The following MAGI2 variants were observed in gnomAD, a reference collection of about 807,000 sequenced individuals.
MAGI2 encodes the protein membrane-associated guanylate kinase, WW and PDZ domain-containing protein 2.
In MAGI2, 35 loss-of-function variants were observed where a neutral mutation model predicts 133.3. The observed-to-expected ratio is 0.26, with a 90% CI of 0.20 to 0.35. MAGI2 has a LOEUF of 0.35. Ranked by LOEUF, MAGI2 falls within the 10% of genes least tolerant of loss-of-function variation. The pLI is 1.00. For synonymous variants in MAGI2, 729 were observed against 710.6 expected, an observed-to-expected ratio of 1.03 and a Z score of -0.41; for missense variants, 1,636 against 1,863.4, an observed-to-expected ratio of 0.88 and a Z score of 2.25.
Position 78,160,100 on chromosome 7 carries a change from G to A in MAGI2, c.2770C>T (p.His924Tyr). 1 of 1,610,736 alleles carries A rather than the reference G, an allele frequency of 6.2e-7. No individual in the cohort carries two copies. Among genetic ancestry groups the A allele is most frequent in the Non-Finnish European group, 8.5e-7 (1 of 1,178,266 alleles). The change falls in exon 16 of 22, where the codon CAC becomes TAC. Residue 924 changes from histidine to tyrosine, a missense_variant. Around this residue, in one of 5 missense-constraint regions of MAGI2, gnomAD observed 920 missense variants for 1,093.5 expected, o/e 0.84. Coordinates refer to ENST00000354212, the MANE Select transcript of MAGI2 (RefSeq NM_012301.4). ...HSLQTSDVVI[H>Y]RKENEGFGFV... ...CCGAAGCCCTCATTCTCTTTGCGGT[G>A]AATGACCACATCACTGGTCTGCAGG...
At chr7:78,651,864 A>T (rs1448286935) in intron 2 of MAGI2, among the ~76,000 whole-genome samples, 1 of 152,120 alleles carries the variant, frequency 6.6e-6, no homozygotes, top group Non-Finnish European at 1.5e-5. Context: ...AAAATACAAC[A>T]ACAAAGACCT....
At chr7:79,196,797 T>C (rs1333460849) in intron 1 of MAGI2, among the ~76,000 whole-genome samples, 1 of 151,900 alleles carries the variant, frequency 6.6e-6, no homozygotes, top group Non-Finnish European at 1.5e-5. Flanking sequence ...AGATAGGGTC[T>C]CACTCTGTCA....
At chr7:79,122,848 T>C (rs978257356) in intron 1 of MAGI2, among the ~76,000 whole-genome samples, 3 of 152,056 alleles carry the variant, frequency 2.0e-5, no homozygotes, top group Admixed American at 6.6e-5. Context: ...CCTGCCACCA[T>C]GCCCAGCTAA....
chr7:78,185,752 C>T lies in MAGI2; in HGVS notation c.2270-82G>A, dbSNP rs1160554500. On this transcript the variant is annotated intron_variant, in intron 12 of 21. Transcript: ENST00000354212. Reference sequence around the variant, plus strand: ...ATCTTTACTTTCTTTTTGTTGCTATCATAACTCCCCCAACCACAATCTCAT... The same window carrying T: ...ATCTTTACTTTCTTTTTGTTGCTATTATAACTCCCCCAACCACAATCTCAT... 1.4e-5 allele frequency: 15 copies of T among 1,063,168 alleles called. No homozygotes were observed. In the Admixed American group the frequency reaches 2.7e-4, roughly 19 times the overall value. The allele number at this position is 1,063,168 out of a possible 1,614,324, so 65.9% of individuals were successfully genotyped here.
intron 2 of MAGI2, among the ~76,000 whole-genome samples, chr7:78,889,115 A>C (rs1047407719): frequency 7.9e-5 from 12 of 152,232 alleles, no homozygotes; most frequent in African/African-American, 2.4e-5. Flanking sequence ...GATCAACTGG[A>C]AGAAAGGGTA....
At chr7:78,479,499 A>C (rs993672646) in intron 6 of MAGI2, among the ~76,000 whole-genome samples, 4 of 151,916 alleles carry the variant, frequency 2.6e-5, no homozygotes, top group African/African-American at 9.7e-5. Flanking sequence ...AAGTGGCACC[A>C]GCAGGAATGT....
intron 3 of MAGI2, among the ~76,000 whole-genome samples, chr7:78,600,658 A>C (rs957559897): frequency 6.6e-6 from 1 of 152,176 alleles, no homozygotes; most frequent in Non-Finnish European, 1.5e-5. Flanking sequence ...AGTACACTGG[A>C]GTGAATAATA....
chr7:78,284,481 C>CATTT (rs1230182277), intron 9 of MAGI2, among the ~76,000 whole-genome samples: 1 of 148,238 alleles, frequency 6.7e-6, no homozygotes, highest in African/African-American at 2.5e-5. Flanking sequence ...AAGAATCCTT[C>CATTT]ATTTCCAGTC....
chr7:78,201,755 C>T (rs1354987745), intron 10 of MAGI2, among the ~76,000 whole-genome samples: 1 of 152,034 alleles, frequency 6.6e-6, no homozygotes, highest in Non-Finnish European at 1.5e-5. Flanking sequence ...TATCTTTGTG[C>T]CCCGGTGCTA....
intron 1 of MAGI2, among the ~76,000 whole-genome samples, chr7:79,319,386 T>C (rs1326170952): frequency 1.3e-5 from 2 of 152,168 alleles, no homozygotes; most frequent in African/African-American, 4.8e-5. Context: ...TTACTTCTTC[T>C]TTAGTAATAG....
intron 1 of MAGI2, among the ~76,000 whole-genome samples, chr7:79,405,963 A>T (rs995062367): frequency 6.6e-6 from 1 of 151,300 alleles, no homozygotes; most frequent in African/African-American, 2.4e-5. Context: ...GCAGTTTATG[A>T]CAAAATAAGA....
At chr7:78,376,189 C>T (rs10243032) in intron 6 of MAGI2, among the ~76,000 whole-genome samples, 124,210 of 152,018 alleles carry the variant, frequency 0.82, 50,854 homozygotes, top group Admixed American at 0.85. Flanking sequence ...TACCAGAAAT[C>T]TTTATTCCAT....
intron 1 of MAGI2, among the ~76,000 whole-genome samples, chr7:79,122,721 T>C (rs1820016333): frequency 6.6e-6 from 1 of 151,880 alleles, no homozygotes; most frequent in South Asian, 2.1e-4. Flanking sequence ...CTTGACTCAC[T>C]GCAACCTCCG....
At chr7:79,245,707 T>C (rs1309746448) in intron 1 of MAGI2, among the ~76,000 whole-genome samples, 1 of 152,176 alleles carries the variant, frequency 6.6e-6, no homozygotes, top group Non-Finnish European at 1.5e-5. Context: ...AGGGAGAACT[T>C]GCCACCCTGA....
chr7:79,426,983 A>G (rs1389763473), intron 1 of MAGI2, among the ~76,000 whole-genome samples: 1 of 152,136 alleles, frequency 6.6e-6, no homozygotes, highest in East Asian at 1.9e-4. Context: ...ACTTCCACCA[A>G]CTTTACTATT....
intron 1 of MAGI2, among the ~76,000 whole-genome samples, chr7:79,391,505 A>G: frequency 1.9e-5 from 1 of 51,470 alleles, no homozygotes; most frequent in Non-Finnish European, 3.2e-5. Context: ...ATATATATAT[A>G]GACATATATA....
intron 3 of MAGI2, among the ~76,000 whole-genome samples, chr7:78,573,822 G>A (rs541858032): frequency 3.3e-5 from 5 of 152,064 alleles, no homozygotes; most frequent in East Asian, 3.9e-4. Context: ...CCAAGTACCC[G>A]GAGCTATTTG....
intron 1 of MAGI2, among the ~76,000 whole-genome samples, chr7:79,394,028 A>G (rs1232527450): frequency 6.6e-6 from 1 of 152,130 alleles, no homozygotes; most frequent in Non-Finnish European, 1.5e-5. Flanking sequence ...CTCATCATGT[A>G]CTGTTAGAAC....
At chr7:78,218,602 C>T (rs917024986) in intron 10 of MAGI2, among the ~76,000 whole-genome samples, 1 of 152,164 alleles carries the variant, frequency 6.6e-6, no homozygotes, top group Non-Finnish European at 1.5e-5. Context: ...AGTCACTTAA[C>T]AAAGAAGCCT....
Sources: gnomAD v4.1 joint callset for allele counts (sites outside exome capture counted in the v4.1 genomes callset) on GRCh38, gnomAD v4.1.1 for gene constraint, gnomAD v4.1.1 regional missense constraint, MANE v1.5 for transcripts, NCBI Gene and HGNC (gene_info 2026-07-23, HGNC 2026-07-21) for gene names.